Variants in SRBD1 observed in about 807,000 individuals in gnomAD.
SRBD1 encodes S1 RNA-binding domain-containing protein 1.
A neutral mutation model predicts 115.3 loss-of-function variants in SRBD1; 88 were observed. That is an observed-to-expected ratio of 0.76 (90% confidence interval 0.64 to 0.91). The LOEUF is 0.91. Ranked by LOEUF, SRBD1 falls within the 40% of genes least tolerant of loss-of-function variation. The pLI is 0.00. For synonymous variants in SRBD1, 509 were observed against 407.7 expected, an observed-to-expected ratio of 1.25 and a Z score of -2.99; for missense variants, 1,385 against 1,177.4, an observed-to-expected ratio of 1.18 and a Z score of -2.58.
chr2:45,536,190 C>T (rs1203287429), intron 14 of SRBD1, among the ~76,000 whole-genome samples: 1 of 151,878 alleles, frequency 6.6e-6, no homozygotes, highest in Non-Finnish European at 1.5e-5. Context: ...AAATCAGATA[C>T]TAGTTACTAG....
chr2:45,469,132 A>G (rs1190050647), intron 16 of SRBD1, among the ~76,000 whole-genome samples: 1 of 152,188 alleles, frequency 6.6e-6, no homozygotes, highest in Non-Finnish European at 1.5e-5. Flanking sequence ...TGTTGTAAAT[A>G]TAATACCTTC....
chr2:45,601,837 T>C, intron 3 of SRBD1, 66 bp downstream of exon 3: 1 of 1,573,342 alleles, frequency 6.4e-7, no homozygotes, highest in Non-Finnish European at 8.6e-7. Flanking sequence ...CTCTGTAGAA[T>C]AAGAAAATAA....
intron 16 of SRBD1, among the ~76,000 whole-genome samples, chr2:45,467,434 T>C (rs1004401450): frequency 6.6e-6 from 1 of 152,228 alleles, no homozygotes; most frequent in South Asian, 2.1e-4. Flanking sequence ...TAAATGACAG[T>C]ACCATTACTG....
intron 7 of SRBD1, among the ~76,000 whole-genome samples, chr2:45,576,016 G>A (rs193112457): frequency 1.3e-5 from 2 of 152,102 alleles, no homozygotes; most frequent in Admixed American, 6.6e-5. Flanking sequence ...ACTTCTACAT[G>A]GATTAATTAC....
chr2:45,434,789 A>C (rs1002642762), intron 16 of SRBD1, among the ~76,000 whole-genome samples: 2 of 149,154 alleles, frequency 1.3e-5, no homozygotes, highest in Non-Finnish European at 3.0e-5. Context: ...TTTTAATTAT[A>C]CTTTAAGTTC....
chr2:45,546,639 T>C, intron 14 of SRBD1, 93 bp downstream of exon 14: 2 of 1,242,388 alleles, frequency 1.6e-6, no homozygotes, highest in East Asian at 2.4e-5. Context: ...AAAGAAGATG[T>C]ACATCTTAAA....
At chr2:45,398,103 T>C (rs536616411) in intron 19 of SRBD1, among the ~76,000 whole-genome samples, 1 of 152,264 alleles carries the variant, frequency 6.6e-6, no homozygotes, top group South Asian at 2.1e-4. Flanking sequence ...CTTAGCATAA[T>C]AATCAACCAC....
intron 18 of SRBD1, among the ~76,000 whole-genome samples, chr2:45,413,641 T>C (rs975491023): frequency 2.6e-5 from 4 of 152,118 alleles, no homozygotes; most frequent in Non-Finnish European, 4.4e-5. Context: ...AAAAGACTCA[T>C]ACTTGGCTTC....
chr2:45,459,371 C>A (rs372432986), intron 16 of SRBD1, among the ~76,000 whole-genome samples: 19 of 152,126 alleles, frequency 1.2e-4, no homozygotes, highest in Non-Finnish European at 1.5e-4. Context: ...ACCACAGCAA[C>A]GCTGCCACTC....
At chr2:45,522,145 C>G (rs1183822875) in intron 14 of SRBD1, among the ~76,000 whole-genome samples, 1 of 151,788 alleles carries the variant, frequency 6.6e-6, no homozygotes, top group Non-Finnish European at 1.5e-5. Context: ...ATTGAGCATC[C>G]CAAATCCAAA....
chr2:45,414,406 T>C (rs1182843613), intron 18 of SRBD1, among the ~76,000 whole-genome samples: 1 of 147,108 alleles, frequency 6.8e-6, no homozygotes, highest in Admixed American at 6.9e-5. Flanking sequence ...TATATATACA[T>C]TATGTGTATA....
chr2:45,507,056 G>A (rs941868422), intron 14 of SRBD1, among the ~76,000 whole-genome samples: 12 of 152,124 alleles, frequency 7.9e-5, no homozygotes, highest in African/African-American at 2.2e-4. Context: ...CATGTTTGGC[G>A]TATAGTAAAG....
chr2:45,469,634 T>TA (rs931176351), intron 16 of SRBD1, among the ~76,000 whole-genome samples: 141 of 152,258 alleles, frequency 9.3e-4, no homozygotes, highest in African/African-American at 3.2e-3. Flanking sequence ...ATAGGAAGCA[T>TA]AATTCATCCT....
intron 15 of SRBD1, among the ~76,000 whole-genome samples, chr2:45,486,404 G>A (rs1670119644): frequency 6.6e-6 from 1 of 152,072 alleles, no homozygotes; most frequent in South Asian, 2.1e-4. Flanking sequence ...CTGGCTATGT[G>A]GCCTTTTTAA....
At chr2:45,392,665 G>T (rs1667035591) in intron 20 of SRBD1, among the ~76,000 whole-genome samples, 1 of 152,172 alleles carries the variant, frequency 6.6e-6, no homozygotes, top group South Asian at 2.1e-4. Flanking sequence ...AAAAATGTGT[G>T]TCTCCATGCA....
chr2:45,575,540 G>C lies in SRBD1; in HGVS notation c.1073-817C>G, dbSNP rs1673150050. ...ATATGTATATTTTCCTGTAAGTAAA[G>C]TTTTAATAAGTAATAAGGTACAAAA... On this transcript the variant is annotated intron_variant, in intron 7 of 20. Coordinates refer to ENST00000263736, the MANE Select transcript of SRBD1 (RefSeq NM_018079.5). Among the ~76,000 whole-genome samples the C allele has an allele frequency of 2.0e-5, 3 of 152,258 alleles. No individual in the cohort carries two copies. In the South Asian group the frequency reaches 6.2e-4, roughly 32 times the overall value.
At chr2:45,571,764 G>A (rs558264310) in intron 9 of SRBD1, among the ~76,000 whole-genome samples, 87 of 151,748 alleles carry the variant, frequency 5.7e-4, no homozygotes, top group South Asian at 1.2e-3. Context: ...AATGTGCCAG[G>A]GGTTCAACAG....
chr2:45,502,040 A>C (rs1046251560), intron 14 of SRBD1, among the ~76,000 whole-genome samples: 2 of 152,140 alleles, frequency 1.3e-5, no homozygotes, highest in African/African-American at 4.8e-5. Context: ...GGCACCCCCC[A>C]GTAGGGGCAG....
intron 10 of SRBD1, among the ~76,000 whole-genome samples, chr2:45,560,218 T>G (rs1239357747): frequency 6.6e-6 from 1 of 152,106 alleles, no homozygotes; most frequent in Non-Finnish European, 1.5e-5. Flanking sequence ...GAGAACTAAA[T>G]AAAATATAAA....
Sources: gnomAD v4.1 joint callset for allele counts (sites outside exome capture counted in the v4.1 genomes callset) on GRCh38, gnomAD v4.1.1 for gene constraint, MANE v1.5 for transcripts, NCBI Gene and HGNC (gene_info 2026-07-23, HGNC 2026-07-21) for gene names.